The following MTMR1 variants were observed in gnomAD, a reference collection of about 807,000 sequenced individuals.
MTMR1 encodes phosphatidylinositol-3-phosphate phosphatase MTMR1.
Under a neutral mutation model 51.6 loss-of-function variants are expected in MTMR1, and 17 were observed. That is an observed-to-expected ratio of 0.33 (90% CI 0.23 to 0.49). The LOEUF (loss-of-function observed/expected upper bound fraction) is 0.49, where lower values mean the gene tolerates loss of function less well. Among genes scored for constraint, MTMR1 ranks in the 20% least tolerant of loss-of-function variants. The pLI is 0.99. For synonymous variants in MTMR1, 201 were observed against 205.6 expected, an observed-to-expected ratio of 0.98 and a Z score of 0.19; for missense variants, 386 against 526.9, an observed-to-expected ratio of 0.73 and a Z score of 2.62.
intron 12 of MTMR1, among the ~76,000 whole-genome samples, chrX:150,741,616 G>A (rs2042425739): frequency 8.9e-6 from 1 of 112,226 alleles, no homozygotes; most frequent in Admixed American, 9.4e-5. Flanking sequence ...TATTCATCAA[G>A]CACAAGTACA....
intron 4 of MTMR1, among the ~76,000 whole-genome samples, chrX:150,720,561 G>A (rs1038821053): frequency 9.0e-6 from 1 of 111,633 alleles, no homozygotes; most frequent in Non-Finnish European, 1.9e-5. Context: ...TCTACTGTTC[G>A]GCTGTTACAA....
chrX:150,734,542 C>T (rs782107184), intron 10 of MTMR1, among the ~76,000 whole-genome samples: 2 of 112,425 alleles, frequency 1.8e-5, no homozygotes, highest in South Asian at 7.3e-4. Context: ...CAAGGAATTA[C>T]AAAATGTGAG....
At chrX:150,728,837 T>G (rs1479160514) in intron 6 of MTMR1, among the ~76,000 whole-genome samples, 1 of 109,922 alleles carries the variant, frequency 9.1e-6, no homozygotes, top group African/African-American at 3.3e-5. Context: ...CTCCCTCTGG[T>G]TGGTCCTAGA....
intron 13 of MTMR1, among the ~76,000 whole-genome samples, chrX:150,750,287 C>G (rs1359665454): frequency 8.9e-6 from 1 of 112,195 alleles, no homozygotes; most frequent in Non-Finnish European, 1.9e-5. Context: ...CCCCTTACCC[C>G]CGACCTGGGA....
chrX:150,705,499 G>A, intron 2 of MTMR1, among the ~76,000 whole-genome samples: 2 of 112,131 alleles, frequency 1.8e-5, no homozygotes, highest in African/African-American at 6.5e-5. Context: ...TACCTATAAG[G>A]AAAATTAATT....
intron 4 of MTMR1, among the ~76,000 whole-genome samples, chrX:150,724,051 T>C (rs1557416674): frequency 8.9e-6 from 1 of 111,777 alleles, no homozygotes; most frequent in Non-Finnish European, 1.9e-5. Flanking sequence ...TACACGTGAG[T>C]GTGTCTTTAT....
At chrX:150,743,617 G>GT (rs782016386) in intron 12 of MTMR1, among the ~76,000 whole-genome samples, 1 of 111,657 alleles carries the variant, frequency 9.0e-6, no homozygotes, top group Non-Finnish European at 1.9e-5. Context: ...TTCTTAATGA[G>GT]TTTTTTTCCC....
chrX:150,750,309 C>T (rs1345784874), intron 13 of MTMR1, among the ~76,000 whole-genome samples: 3 of 112,146 alleles, frequency 2.7e-5, no homozygotes, highest in South Asian at 3.7e-4. Flanking sequence ...GTGGCTGCAG[C>T]GGGGAAGCTG....
At chrX:150,751,053 A>G (rs1557417587) in intron 14 of MTMR1, 1 of 1,149,666 alleles carries the variant, frequency 8.7e-7, no homozygotes, top group Non-Finnish European at 1.2e-6. Flanking sequence ...GGACCCAGCG[A>G]GCCCGTGGCT....
At chrX:150,707,208 T>G (rs782639958) in intron 2 of MTMR1, among the ~76,000 whole-genome samples, 1 of 111,918 alleles carries the variant, frequency 8.9e-6, no homozygotes, top group Admixed American at 9.5e-5. Context: ...TCTTAAACTT[T>G]ACACCAAAAG....
rs782368744 is a variant in MTMR1, at chrX:150,757,906, C to T, written c.1857+2041C>T. 1.3e-4 allele frequency among the ~76,000 whole-genome samples: 14 copies of T among 110,772 alleles called. No homozygotes were observed. The South Asian group carries it at 2.7e-3, about 21-fold the overall frequency. ...CGTACTTTGAGAAAGAGAGTGGAGG[C>T]GCTGCTAATAATCAGTCTGTAGAAT... On this transcript the variant is annotated intron_variant, in intron 15 of 15. Transcript: ENST00000445323.
In MTMR1 at chrX:150,718,647, T is replaced by C; in HGVS notation, c.299T>C (p.Leu100Pro). Residue 100 changes from leucine (L) to proline (P), a missense_variant, in exon 4 of 16, where the codon CTG (leucine) becomes CCG (proline). Physicochemically the swap from Leu to Pro is moderately conservative, Grantham distance 98 (BLOSUM62 -3). Coordinates refer to ENST00000445323, the MANE Select transcript of MTMR1 (RefSeq NM_001306144.3). Reference protein sequence around the residue: ...DLRALRDGNKLAQMEEAPLFP... With the variant: ...DLRALRDGNKPAQMEEAPLFP... ...CAGGCTCTAAGGGATGGAAATAAGC[T>C]GGCACAGATGGAAGAGGCTCCACTT... The C allele has an allele frequency of 1.0e-6, 1 of 965,017 alleles. No individual in the cohort carries two copies. Among genetic ancestry groups the C allele is most frequent in the Non-Finnish European group, 1.4e-6 (1 of 718,519 alleles). 79.5% of individuals were successfully genotyped at this position (965,017 alleles called of 1,213,427 possible).
chrX:150,712,899 T>A, intron 3 of MTMR1: 2 of 880,004 alleles, frequency 2.3e-6, no homozygotes, highest in Non-Finnish European at 2.9e-6. Flanking sequence ...ATATAGTGGG[T>A]TACAGCTTAT....
chrX:150,704,484 A>G (rs1369703651), intron 2 of MTMR1, among the ~76,000 whole-genome samples: 4 of 111,817 alleles, frequency 3.6e-5, no homozygotes, highest in Non-Finnish European at 7.5e-5. Flanking sequence ...AAGAGTCATG[A>G]CTTTCACTGT....
At chrX:150,715,085 G>C (rs999865968) in intron 3 of MTMR1, among the ~76,000 whole-genome samples, 1 of 111,950 alleles carries the variant, frequency 8.9e-6, no homozygotes, top group Admixed American at 9.5e-5. Context: ...AAAGAGAAGA[G>C]CAGCTCCAGG....
chrX:150,728,404 A>G (rs1314527478), intron 6 of MTMR1, among the ~76,000 whole-genome samples: 1 of 112,287 alleles, frequency 8.9e-6, no homozygotes, highest in African/African-American at 3.2e-5. Flanking sequence ...AGTCAAGTGA[A>G]AAGCAGAGAC....
chrX:150,710,926 A>G (rs1393511379), intron 2 of MTMR1, among the ~76,000 whole-genome samples: 1 of 112,452 alleles, frequency 8.9e-6, no homozygotes, highest in Admixed American at 9.4e-5. Flanking sequence ...AAGCATAACT[A>G]TCACAATGGA....
intron 2 of MTMR1, among the ~76,000 whole-genome samples, chrX:150,702,441 C>T (rs2148555973): frequency 8.9e-6 from 1 of 111,855 alleles, no homozygotes; most frequent in Non-Finnish European, 1.9e-5. Context: ...TGGGACCCTG[C>T]ATTTCTGGTA....
chrX:150,744,377 A>C lies in MTMR1; in HGVS notation c.1490A>C (p.Asn497Thr). 1.7e-6 allele frequency: 2 copies of C among 1,209,543 alleles called. No individual in the cohort carries two copies. Among genetic ancestry groups the C allele is most frequent in the Non-Finnish European group, 2.2e-6 (2 of 893,576 alleles). The change falls in exon 13 of 16, where the codon AAT (asparagine) becomes ACT (threonine). Residue 497 changes from asparagine (N) to threonine (T), a missense_variant. By Grantham distance (65) the Asn-to-Thr change is moderately conservative. Transcript: ENST00000445323. ...TCTGTTCAGCGAGTGGGCCATGGTA[A>C]TGACAACCATGCGGATGCTGACCGA... ...HRFALRVGHG[N>T]DNHADADRSP...
Sources: gnomAD v4.1 joint callset for allele counts (sites outside exome capture counted in the v4.1 genomes callset) on GRCh38, gnomAD v4.1.1 for gene constraint, MANE v1.5 for transcripts, NCBI Gene and HGNC (gene_info 2026-07-23, HGNC 2026-07-21) for gene names.